The following C12orf56 variants were observed in gnomAD, a reference collection of about 807,000 sequenced individuals.
The protein encoded by C12orf56 is chromosome 12 open reading frame 56, also known as uncharacterized protein C12orf56.
A neutral mutation model predicts 69.9 loss-of-function variants in C12orf56; 71 were observed. That is an observed-to-expected ratio of 1.02 (90% confidence interval 0.84 to 1.24). The LOEUF is 1.24. C12orf56 is among the 50% of genes most tolerant of loss of function. The pLI, the probability that C12orf56 is intolerant of heterozygous loss-of-function variation, is 0.00. For synonymous variants in C12orf56, 276 were observed against 274.1 expected (o/e 1.01, Z -0.07); for missense variants, 732 against 738.5 (o/e 0.99, Z 0.10).
chr12:64,390,470 C>T lies in C12orf56; in HGVS notation c.96G>A (p.Ala32=), dbSNP rs1045132160. ...CGATGCATGGCTCGTAGGCGCGGAC[C>T]GCGTCGTAGACCTCGGGCGGCAGAT... The part of the protein sequence containing the change: ...RRHLPPEVYD[A]VRAYEPCIVV... The change falls in exon 1 of 13, where the codon GCG becomes GCA. Residue 32 remains alanine (A), a synonymous_variant. Transcript: ENST00000543942. The T allele has an allele frequency of 1.9e-6, 3 of 1,606,996 alleles. No homozygotes were observed. The highest frequency in any genetic ancestry group is 1.7e-5 in the Admixed American group (1 of 60,020).
chr12:64,300,093 T>A (rs1008896368), intron 6 of C12orf56, among the ~76,000 whole-genome samples: 1 of 151,990 alleles, frequency 6.6e-6, no homozygotes, highest in Non-Finnish European at 1.5e-5. Context: ...CCATTAGGCA[T>A]GACAGGAAAG....
Position 64,308,980 on chromosome 12 carries a change from G to GA in C12orf56, c.968+3698dup, listed in dbSNP as rs1555188291. On this transcript the variant is annotated intron_variant, in intron 5 of 12. Transcript: ENST00000543942. ...GAAAGAAAGAAAGAAAGAAAAGAAAGAAAGAAAAGAAAGAAGGAAAGAAAG... is the reference window on the plus strand; with the variant it reads ...GAAAGAAAGAAAGAAAGAAAAGAAAGAAAAGAAAAGAAAGAAGGAAAGAAAG... Among the ~76,000 whole-genome samples, 244 of 121,614 alleles carry GA rather than the reference G, an allele frequency of 2.0e-3. 5 individuals are homozygous for GA. The highest frequency in any genetic ancestry group is 3.2e-3 in the African/African-American group (109 of 34,546). 79.8% of individuals were successfully genotyped at this position (121,614 alleles called of 152,430 possible). A position where few individuals can be genotyped will look rare whatever the true frequency, so the allele number is the denominator to read the frequency against.
chr12:64,274,450 G>A (rs1371459695), intron 11 of C12orf56, among the ~76,000 whole-genome samples: 1 of 152,206 alleles, frequency 6.6e-6, no homozygotes, highest in East Asian at 1.9e-4. Context: ...CCCTCAGCCT[G>A]TAATCTGGTG....
intron 6 of C12orf56, among the ~76,000 whole-genome samples, chr12:64,288,690 T>C (rs1454566310): frequency 4.4e-4 from 60 of 137,234 alleles, no homozygotes; most frequent in Non-Finnish European, 6.5e-4. Flanking sequence ...GAGGGCTCTG[T>C]TCTGTTCCAT....
At chr12:64,268,030 G>A (rs983406073) in intron 12 of C12orf56, among the ~76,000 whole-genome samples, 1 of 152,150 alleles carries the variant, frequency 6.6e-6, no homozygotes, top group Non-Finnish European at 1.5e-5. Context: ...GCTACAATGA[G>A]CATTTACTTT....
chr12:64,380,908 A>G lies in C12orf56; in HGVS notation c.252+9406T>C, dbSNP rs185280119. Among the ~76,000 whole-genome samples, 176 of 152,302 alleles carry G rather than the reference A, an allele frequency of 1.2e-3. 1 individual carries two copies. Among genetic ancestry groups the G allele is most frequent in the Admixed American group, 4.0e-3 (61 of 15,284 alleles). ...GGAGATTTTGAATCAGAAGCATGTT[A>G]TAATTTAATTTATGATATATGTTTC... On this transcript the variant is annotated intron_variant, in intron 1 of 12. Transcript: ENST00000543942.
At chr12:64,363,296 A>G (rs191021388) in intron 1 of C12orf56, among the ~76,000 whole-genome samples, 1 of 152,300 alleles carries the variant, frequency 6.6e-6, no homozygotes, top group Non-Finnish European at 1.5e-5. Context: ...CTGAAGGAAA[A>G]CAAACATGCT....
At chr12:64,300,894 C>T (rs1045473515) in intron 6 of C12orf56, among the ~76,000 whole-genome samples, 7 of 152,168 alleles carry the variant, frequency 4.6e-5, no homozygotes, top group Non-Finnish European at 7.3e-5. Flanking sequence ...CAAATCTCAT[C>T]TTGAATTGTA....
At chr12:64,301,977 A>C (rs2038452166) in intron 6 of C12orf56, among the ~76,000 whole-genome samples, 1 of 152,222 alleles carries the variant, frequency 6.6e-6, no homozygotes, top group Non-Finnish European at 1.5e-5. Flanking sequence ...CTTTACTAGC[A>C]AGGAAAGTCA....
intron 5 of C12orf56, among the ~76,000 whole-genome samples, chr12:64,308,928 G>GAAAA (rs1304575169): frequency 2.6e-5 from 1 of 38,008 alleles, no homozygotes; most frequent in Non-Finnish European, 5.2e-5. Context: ...AAGAAAGAAA[G>GAAAA]AAAGAAAGAA....
At position 64,266,653 on chromosome 12, in the gene C12orf56, T is replaced by C. The variant is rs2037922396; in HGVS notation, c.*530A>G. ...CAGAATCGGGTGAAGAGCATGCTCC[T>C]GTGCCTGGCATGGTTTCACCGAGAA... On this transcript the variant is annotated 3_prime_UTR_variant, in exon 13 of 13. Coordinates refer to ENST00000543942, the MANE Select transcript of C12orf56 (RefSeq NM_001170633.2). 1.1e-6 allele frequency: 1 copy of C among 883,426 alleles called. No individual in the cohort carries two copies. The highest frequency in any genetic ancestry group is 1.5e-6 in the Non-Finnish European group (1 of 650,776). 54.7% of individuals were successfully genotyped at this position (883,426 alleles called of 1,614,324 possible). A position where few individuals can be genotyped will look rare whatever the true frequency, so the allele number is the denominator to read the frequency against.
intron 7 of C12orf56, among the ~76,000 whole-genome samples, chr12:64,285,445 G>A (rs972417899): frequency 6.6e-6 from 1 of 152,048 alleles, no homozygotes; most frequent in Non-Finnish European, 1.5e-5. Flanking sequence ...CTAGTTTCTT[G>A]TGCATCCTTC....
chr12:64,310,005 T>A (rs1370877507), intron 5 of C12orf56, among the ~76,000 whole-genome samples: 2 of 86,856 alleles, frequency 2.3e-5, no homozygotes, highest in East Asian at 1.1e-3. Context: ...AAGTTCCACT[T>A]CACCTTTTTT....
At chr12:64,297,034 G>C (rs7969382) in intron 6 of C12orf56, among the ~76,000 whole-genome samples, 106,841 of 151,944 alleles carry the variant, frequency 0.7, 38,768 homozygotes, top group Non-Finnish European at 0.8. Context: ...GTGATACTCT[G>C]TTATAGCAAC....
Position 64,318,836 on chromosome 12 carries a change from A to T in C12orf56, c.633T>A (p.Thr211=), listed in dbSNP as rs1197647727. 1 of 1,537,178 alleles carries T rather than the reference A, an allele frequency of 6.5e-7. No individual in the cohort carries two copies. The highest frequency in any genetic ancestry group is 1.2e-5 in the South Asian group (1 of 84,066). The part of the protein sequence containing the change: ...SRRSSQSAPT[T]GKAVSEPSCT... ...AAGATGGCTCGCTGACAGCCTTGCC[A>T]GTTGTTGGTGCAGACTGAGAGCTCC... The change falls in exon 4 of 13, where the codon ACT becomes ACA. Residue 211 remains threonine, a synonymous_variant. Coordinates refer to ENST00000543942, the MANE Select transcript of C12orf56 (RefSeq NM_001170633.2).
At chr12:64,270,274 G>A (rs561511259) in intron 12 of C12orf56, among the ~76,000 whole-genome samples, 4 of 151,980 alleles carry the variant, frequency 2.6e-5, no homozygotes, top group South Asian at 4.2e-4. Context: ...GGTGGCGGGC[G>A]CCTGTAATCC....
rs1288159284 is a variant in C12orf56 at position 64,303,764 on chromosome 12, A to C, written c.984T>G (p.Ile328Met). ...SQKPYRSEEK[I>M]KHFSQLKSEL... ...CAGATTTAAGTTGACTGAAGTGCTT[A>C]ATTTTCTCCTCAGACCTACAGAAAC... The change falls in exon 6 of 13, where the codon ATT becomes ATG. Residue 328 changes from isoleucine (I) to methionine (M), a missense_variant. Physicochemically the swap from Ile to Met is conservative, Grantham distance 10. Transcript: ENST00000543942. 1.3e-6 allele frequency: 2 copies of C among 1,588,530 alleles called. No homozygotes were observed. Among genetic ancestry groups the C allele is most frequent in the Non-Finnish European group, 8.5e-7 (1 of 1,170,090 alleles).
chr12:64,387,581 G>C (rs1360916211), intron 1 of C12orf56, among the ~76,000 whole-genome samples: 2 of 152,162 alleles, frequency 1.3e-5, no homozygotes, highest in Admixed American at 1.3e-4. Flanking sequence ...CCAACACTTT[G>C]GGAGGCCAAG....
intron 1 of C12orf56, among the ~76,000 whole-genome samples, chr12:64,371,910 T>C (rs1426305377): frequency 8.1e-4 from 121 of 150,272 alleles, no homozygotes; most frequent in African/African-American, 1.6e-3. Flanking sequence ...TTTCTTTTTT[T>C]TTTTTTTTTT....
Sources: gnomAD v4.1 joint callset for allele counts (sites outside exome capture counted in the v4.1 genomes callset) on GRCh38, gnomAD v4.1.1 for gene constraint, MANE v1.5 for transcripts, NCBI Gene and HGNC (gene_info 2026-07-23, HGNC 2026-07-21) for gene names.